SLC13A5: variants seen among roughly 807,000 people sequenced by gnomAD.
SLC13A5 encodes the protein solute carrier family 13 member 5.
SLC13A5 carries 25 observed loss-of-function variants against 56.5 expected under a neutral mutation model. The observed-to-expected ratio is 0.44, with a 90% CI of 0.32 to 0.62. The LOEUF (loss-of-function observed/expected upper bound fraction) is 0.62. SLC13A5 is among the 20% of genes least tolerant of loss of function. The pLI, the probability that SLC13A5 is intolerant of heterozygous loss-of-function variation, is 0.04. For synonymous variants in SLC13A5, 307 were observed against 301.5 expected (o/e 1.02, Z -0.19); for missense variants, 649 against 737.8 (o/e 0.88, Z 1.39).
chr17:6,703,928 G>T lies in SLC13A5; in HGVS notation c.497C>A (p.Thr166Asn), dbSNP rs758852137. The T allele has an allele frequency of 2.5e-6, 4 of 1,599,850 alleles. No homozygotes were observed. In the East Asian group the frequency reaches 9.0e-5, roughly 36 times the overall value. The change falls in exon 4 of 12, where the codon ACC becomes AAC. Residue 166 changes from threonine to asparagine, a missense_variant. Coordinates refer to ENST00000433363, the MANE Select transcript of SLC13A5 (RefSeq NM_177550.5). ...GTCCACCAGCTCCAGGCCGGCCTCG[G>T]TGGCTGCGCTTGTGGCTTCCATCTG... is the stretch of plus-strand genomic sequence containing the variant. ...LQQMEATSAA[T>N]EAGLELVDKG...
At chr17:6,707,267 A>G in intron 1 of SLC13A5, 111 bp from the exon 2 acceptor site, 1 of 1,379,402 alleles carries the variant, frequency 7.2e-7, no homozygotes, top group Non-Finnish European at 9.9e-7. Flanking sequence ...CTGATCTCAG[A>G]GGGATTCCCC....
intron 3 of SLC13A5, 63 bp from the exon 4 acceptor site, chr17:6,704,119 A>G: frequency 6.5e-7 from 1 of 1,540,122 alleles, no homozygotes. Context: ...ACTCCCTGGG[A>G]AGCAACTGGG....
chr17:6,691,084 C>T, intron 9 of SLC13A5, 144 bp from the exon 10 acceptor site: 1 of 900,712 alleles, frequency 1.1e-6, no homozygotes. Flanking sequence ...CCATTTTCAT[C>T]CCCGTCCTCA....
chr17:6,697,099 G>A (rs1238709298), intron 6 of SLC13A5, among the ~76,000 whole-genome samples: 3 of 152,156 alleles, frequency 2.0e-5, no homozygotes, highest in East Asian at 1.9e-4. Flanking sequence ...AGGGTCACCC[G>A]CTAGGGACAC....
chr17:6,709,129 A>G (rs1013453703), intron 1 of SLC13A5, among the ~76,000 whole-genome samples: 1 of 151,050 alleles, frequency 6.6e-6, no homozygotes, highest in African/African-American at 2.4e-5. Context: ...CATCAACATT[A>G]TAATGAAATG....
chr17:6,707,243 G>T, intron 1 of SLC13A5, 87 bp from the exon 2 acceptor site: 1 of 1,530,418 alleles, frequency 6.5e-7, no homozygotes, highest in Non-Finnish European at 8.9e-7. Flanking sequence ...GGCATGGATT[G>T]TCAAGACACA....
In SLC13A5 at chr17:6,711,925, A is replaced by G. The variant is rs1244273136; in HGVS notation, c.102+1307T>C. Among the ~76,000 whole-genome samples, 1 of 152,146 alleles carries G rather than the reference A, an allele frequency of 6.6e-6. No individual in the cohort carries two copies. Among genetic ancestry groups the G allele is most frequent in the Non-Finnish European group, 1.5e-5 (1 of 68,014 alleles). ...GGTGTGGCAACTGCACAGCCTCCAC[A>G]GTTGGATCTGCTGTCCTTGACCCAT... On this transcript the variant is annotated intron_variant, in intron 1 of 11. Coordinates refer to ENST00000433363, the MANE Select transcript of SLC13A5 (RefSeq NM_177550.5). This position sits in a 1 kb window ranked among gnomAD's most constrained non-coding sequence, Gnocchi z 4.0.
At position 6,695,748 on chromosome 17, in the gene SLC13A5, C is replaced by A. The variant is rs776529961; in HGVS notation, c.1033G>T (p.Ala345Ser). The A allele has an allele frequency of 3.2e-5, 51 of 1,614,130 alleles. No individual in the cohort carries two copies. The highest frequency in any genetic ancestry group is 4.2e-5 in the Non-Finnish European group (49 of 1,180,018). ...PGFMPGWLTV[A>S]WVEGETKYVS... The stretch of plus-strand genomic sequence containing the variant: ...TACTTTGTCTCACCCTCCACCCAGG[C>A]AACAGTCAGCCAGCCGGGCATGAAG... The change falls in exon 7 of 12, where the codon GCC (alanine) becomes TCC (serine). Residue 345 changes from alanine (A) to serine (S), a missense_variant. Coordinates refer to ENST00000433363, the MANE Select transcript of SLC13A5 (RefSeq NM_177550.5).
chr17:6,690,079 A>C (rs1337195819), intron 10 of SLC13A5: 1 of 148,558 alleles, frequency 6.7e-6, no homozygotes, highest in Non-Finnish European at 1.5e-5. Context: ...AAAAAAAAAA[A>C]AAAAAAAAAA....
chr17:6,694,468 A>G (rs1973505586), intron 7 of SLC13A5, among the ~76,000 whole-genome samples: 1 of 152,126 alleles, frequency 6.6e-6, no homozygotes, highest in South Asian at 2.1e-4. Context: ...AATACAAAAA[A>G]TTAGCCAGAC....
Position 6,701,217 on chromosome 17 carries a change from G to A in SLC13A5, c.717-91C>T. The A allele has an allele frequency of 6.5e-7, 1 of 1,548,954 alleles. No homozygotes were observed. Among genetic ancestry groups the A allele is most frequent in the South Asian group, 1.2e-5 (1 of 83,964 alleles). ...GGGGACGGAGCAGCAGCTGGGCCCTGAGAGGCGCGCCTGTGTGGAGGCCAC... is the reference window on the plus strand; with the variant it reads ...GGGGACGGAGCAGCAGCTGGGCCCTAAGAGGCGCGCCTGTGTGGAGGCCAC... On this transcript the variant is annotated intron_variant, in intron 5 of 11. Coordinates refer to ENST00000433363, the MANE Select transcript of SLC13A5 (RefSeq NM_177550.5). The surrounding 1 kb of genome is among the most constrained non-coding windows in gnomAD (Gnocchi z 4.1).
chr17:6,709,829 AG>A (rs1973972787), intron 1 of SLC13A5, among the ~76,000 whole-genome samples: 1 of 152,194 alleles, frequency 6.6e-6, no homozygotes. Context: ...AGGGTCCCTC[AG>A]CCTCGGCACA....
chr17:6,707,729 C>A (rs975887430), intron 1 of SLC13A5, among the ~76,000 whole-genome samples: 6 of 151,848 alleles, frequency 4.0e-5, no homozygotes, highest in Admixed American at 2.6e-4. Context: ...CATGTTCTCC[C>A]TTATAAGTGG....
chr17:6,690,551 A>T (rs1238405510), intron 10 of SLC13A5, among the ~76,000 whole-genome samples: 1 of 152,170 alleles, frequency 6.6e-6, no homozygotes, highest in African/African-American at 2.4e-5. Flanking sequence ...CACTTGGTCC[A>T]TGGTTGGTGC....
rs1305018011 is a variant in SLC13A5, at chr17:6,687,603, C to CA, written c.1500dup (p.Ala501CysfsTer24). 1 of 1,613,818 alleles carries CA rather than the reference C, an allele frequency of 6.2e-7. No homozygotes were observed. Among genetic ancestry groups the CA allele is most frequent in the Non-Finnish European group, 8.5e-7 (1 of 1,179,938 alleles). On this transcript the variant is annotated frameshift_variant, in exon 11 of 12. Transcript: ENST00000433363. LOFTEE classifies it high-confidence loss of function. The surrounding 1 kb of genome is among the most constrained non-coding windows in gnomAD (Gnocchi z 5.0). ...GGGGTGGCCACAGGCAACATGAAGGCAAAGGAGGCACTCAGGGTACAGGGC... is the reference window on the plus strand; with the variant it reads ...GGGGTGGCCACAGGCAACATGAAGGCAAAAGGAGGCACTCAGGGTACAGGGC...
rs755378873 is a variant in SLC13A5 at position 6,694,197 on chromosome 17, C to T, written c.1056G>A (p.Lys352=). The T allele has an allele frequency of 6.3e-7, 1 of 1,597,464 alleles. No individual in the cohort carries two copies. The highest frequency in any genetic ancestry group is 1.1e-5 in the South Asian group (1 of 90,432). ...TGGCCACAGTGGCATCGGAGACATA[C>T]CTAGGTGGGGAAAAGCACAGCTCAT... ...LTVAWVEGET[K]YVSDATVAIF... The change falls in exon 8 of 12, where the codon AAG becomes AAA. Residue 352 remains lysine, a splice_region_variant and synonymous_variant. Transcript: ENST00000433363.
intron 9 of SLC13A5, among the ~76,000 whole-genome samples, chr17:6,691,851 T>C (rs538881317): frequency 3.3e-5 from 5 of 152,272 alleles, no homozygotes; most frequent in African/African-American, 1.2e-4. Context: ...TCTACTGCAT[T>C]CACGATCAAG....
intron 11 of SLC13A5, 200 bp from the exon 12 acceptor site, chr17:6,686,538 C>CAT: frequency 1.7e-6 from 1 of 600,158 alleles, no homozygotes; most frequent in Non-Finnish European, 2.9e-6. Context: ...GGGAAGTAGG[C>CAT]AGAGTGGATG....
intron 7 of SLC13A5, 24 bp from the exon 8 acceptor site, chr17:6,694,221 A>C: frequency 2.0e-4 from 286 of 1,416,328 alleles, no homozygotes; most frequent in Non-Finnish European, 2.6e-4. Flanking sequence ...AGCACAGCTC[A>C]TCTGCGACAG....
Sources: gnomAD v4.1 joint callset for allele counts (sites outside exome capture counted in the v4.1 genomes callset) on GRCh38, gnomAD v4.1.1 for gene constraint, Gnocchi (gnomAD v3.1) non-coding constraint, MANE v1.5 for transcripts, NCBI Gene and HGNC (gene_info 2026-07-23, HGNC 2026-07-21) for gene names.